UACA: variants seen among roughly 807,000 people sequenced by gnomAD.
The protein encoded by UACA is nuclear membrane binding protein.
UACA carries 112 observed loss-of-function variants against 160.5 expected under a neutral mutation model. That is an observed-to-expected ratio of 0.70 (90% CI 0.60 to 0.82). The LOEUF (loss-of-function observed/expected upper bound fraction) is 0.82, where lower values mean the gene tolerates loss of function less well. Among genes scored for constraint, UACA ranks in the 40% least tolerant of loss-of-function variants. The pLI is 0.00. For missense variants in UACA, 1,574 were observed against 1,614.6 expected, an observed-to-expected ratio of 0.97 and a Z score of 0.43; for synonymous variants, 557 against 568.4, an observed-to-expected ratio of 0.98 and a Z score of 0.29.
At chr15:70,774,083 T>A in the UACA span, among the ~76,000 whole-genome samples, 1 of 152,228 alleles carries the variant, frequency 6.6e-6, no homozygotes, top group Non-Finnish European at 1.5e-5. Context: ...TTACTATTAC[T>A]ACACAATCAC....
At chr15:70,687,725 T>C (rs770347119) in intron 6 of UACA, 25 bp downstream of exon 6, 19 of 1,613,360 alleles carry the variant, frequency 1.2e-5, no homozygotes, top group Middle Eastern at 1.6e-4. Context: ...TGAGTTGAAA[T>C]GAGAATAAAC....
intron 1 of UACA, among the ~76,000 whole-genome samples, chr15:70,723,089 G>A (rs1899040074): frequency 6.6e-6 from 1 of 152,144 alleles, no homozygotes; most frequent in Admixed American, 6.5e-5. Context: ...TAGTCCCCCT[G>A]AGCGTCAGTT....
intron 1 of UACA, among the ~76,000 whole-genome samples, chr15:70,756,813 C>G (rs1382124191): frequency 6.6e-6 from 1 of 152,176 alleles, no homozygotes; most frequent in Non-Finnish European, 1.5e-5. Context: ...GCGGAGGTTG[C>G]AGTGAGCAGA....
rs533987842 is a variant in UACA, at chr15:70,718,674, T to C, written c.79-19014A>G. On this transcript the variant is annotated intron_variant, in intron 1 of 18. Transcript: ENST00000322954. ...AAAGTTAGTGGGAAATATAAGTTTGTTATCTTGAGAAGCCACTTAAATTTG... is the reference window on the plus strand; with the variant it reads ...AAAGTTAGTGGGAAATATAAGTTTGCTATCTTGAGAAGCCACTTAAATTTG... Among the ~76,000 whole-genome samples the C allele has an allele frequency of 5.3e-5, 8 of 152,262 alleles. No individual in the cohort carries two copies. In the South Asian group the frequency reaches 1.5e-3, roughly 28 times the overall value.
At chr15:70,769,182 C>T in the UACA span, among the ~76,000 whole-genome samples, 1 of 151,722 alleles carries the variant, frequency 6.6e-6, no homozygotes, top group African/African-American at 2.4e-5. Flanking sequence ...CACGGTGAAA[C>T]CCCATCTCTA....
Position 70,697,788 on chromosome 15 carries a change from C to T in UACA, c.212+1739G>A, listed in dbSNP as rs139960894. ...ACTCTTGGCCGGGCACAGTGGCTCA[C>T]GCCTGTAATCCCAGTACTTTGGGAG... is the stretch of plus-strand genomic sequence containing the variant. On this transcript the variant is annotated intron_variant, in intron 2 of 18. Transcript: ENST00000322954. Among the ~76,000 whole-genome samples the T allele has an allele frequency of 4.5e-3, 691 of 152,262 alleles. 4 individuals are homozygous for T. The highest frequency in any genetic ancestry group is 0.016 in the African/African-American group (659 of 41,562).
At chr15:70,659,395 GT>G (rs71152307) in intron 18 of UACA, among the ~76,000 whole-genome samples, 17 of 18,836 alleles carry the variant, frequency 9.0e-4, no homozygotes, top group African/African-American at 2.7e-3. Flanking sequence ...TTTTTTGTTT[GT>G]TTTTTTTTTT....
chr15:70,661,929 C>A (rs923517728), intron 17 of UACA, among the ~76,000 whole-genome samples: 1 of 152,308 alleles, frequency 6.6e-6, no homozygotes, highest in South Asian at 2.1e-4. Context: ...AAACTGGAAG[C>A]ATTCCCTTTG....
rs12164902 is a variant in UACA, at chr15:70,721,354, G to A, written c.79-21694C>T. Among the ~76,000 whole-genome samples the A allele has an allele frequency of 8.1e-3, 1,227 of 152,272 alleles. 13 individuals carry two copies. Among genetic ancestry groups the A allele is most frequent in the African/African-American group, 0.024 (1,016 of 41,564 alleles). The stretch of plus-strand genomic sequence containing the variant: ...TAAAACTACAGTTGCGGATGGGCGC[G>A]GTGGCTCACGCCTGTAATCCCAGCA... On this transcript the variant is annotated intron_variant, in intron 1 of 18. Transcript: ENST00000322954.
chr15:70,750,637 T>C (rs2029987260), intron 1 of UACA, among the ~76,000 whole-genome samples: 1 of 152,138 alleles, frequency 6.6e-6, no homozygotes, highest in South Asian at 2.1e-4. Context: ...GAGGCTGAGA[T>C]GGGAGGATCG....
At chr15:70,736,537 CA>C (rs1899373316) in intron 1 of UACA, among the ~76,000 whole-genome samples, 1 of 152,040 alleles carries the variant, frequency 6.6e-6, no homozygotes, top group African/African-American at 2.4e-5. Context: ...CAGGTTCAAG[CA>C]ATTTTCCTGC....
At chr15:70,663,506 T>C (rs1293055122) in intron 17 of UACA, among the ~76,000 whole-genome samples, 1 of 152,206 alleles carries the variant, frequency 6.6e-6, no homozygotes, top group Non-Finnish European at 1.5e-5. Context: ...ATCCCATTAC[T>C]GGGTATATAC....
Position 70,655,024 on chromosome 15 carries a change from G to A in UACA, c.*2032C>T, listed in dbSNP as rs1292660252. On this transcript the variant is annotated 3_prime_UTR_variant, in exon 19 of 19. Transcript: ENST00000322954. ...TCTCCCTTGTACTTTGGAGTCCATC[G>A]TTTCCTACTCCCAATGCTCTCACAG... 4 of 152,138 alleles carry A rather than the reference G, an allele frequency of 2.6e-5. No homozygotes were observed. The highest frequency in any genetic ancestry group is 4.8e-5 in the African/African-American group (2 of 41,426). 9.4% of individuals were successfully genotyped at this position (152,138 alleles called of 1,614,324 possible). A position where few individuals can be genotyped will look rare whatever the true frequency, so the allele number is the denominator to read the frequency against.
intron 1 of UACA, among the ~76,000 whole-genome samples, chr15:70,735,945 C>T (rs181296516): frequency 4.1e-4 from 63 of 152,046 alleles, no homozygotes; most frequent in Non-Finnish European, 6.6e-4. Flanking sequence ...CAAAGTGTTG[C>T]GATTACAGAT....
intron 2 of UACA, among the ~76,000 whole-genome samples, chr15:70,695,821 A>G (rs1381717264): frequency 2.0e-5 from 3 of 152,208 alleles, no homozygotes; most frequent in Admixed American, 2.0e-4. Flanking sequence ...CTAGTTAACA[A>G]TATTTCATTA....
At chr15:70,708,347 ATAACAATGTGAACATACT>A (rs1205313230) in intron 1 of UACA, among the ~76,000 whole-genome samples, 1 of 152,252 alleles carries the variant, frequency 6.6e-6, no homozygotes, top group African/African-American at 2.4e-5. Context: ...GATCAGTTGC[ATAACAATGTGAACATACT>A]TAACACATGA....
intron 8 of UACA, among the ~76,000 whole-genome samples, chr15:70,683,629 T>C (rs1897595248): frequency 6.6e-6 from 1 of 152,124 alleles, no homozygotes; most frequent in Non-Finnish European, 1.5e-5. Context: ...TGGAATCTCA[T>C]ACACCAACAA....
At chr15:70,741,109 G>A (rs534751852) in intron 1 of UACA, among the ~76,000 whole-genome samples, 56 of 152,194 alleles carry the variant, frequency 3.7e-4, no homozygotes, top group Admixed American at 1.6e-3. Flanking sequence ...AAGTGCCTAC[G>A]GTACAAAATA....
chr15:70,700,318 T>TATATATATATATATATATACACAC (rs565377949), intron 1 of UACA, among the ~76,000 whole-genome samples: 12 of 139,816 alleles, frequency 8.6e-5, no homozygotes, highest in African/African-American at 3.5e-4. Flanking sequence ...TATATATATA[T>TATATATATATATATATATACACAC]ACACACACAC....
Sources: gnomAD v4.1 joint callset for allele counts (sites outside exome capture counted in the v4.1 genomes callset) on GRCh38, gnomAD v4.1.1 for gene constraint, MANE v1.5 for transcripts, NCBI Gene and HGNC (gene_info 2026-07-23, HGNC 2026-07-21) for gene names.